The following MCC variants were observed in gnomAD, a reference collection of about 807,000 sequenced individuals.
The protein encoded by MCC is MCC regulator of Wnt signaling pathway, also known as colorectal mutant cancer protein.
In MCC, 90 loss-of-function variants were observed where a neutral mutation model predicts 116.2. The ratio of observed to expected loss-of-function variants is 0.77; its 90% CI spans 0.65 to 0.92. MCC has a LOEUF of 0.92. Among genes scored for constraint, MCC ranks in the 40% least tolerant of loss-of-function variants. The probability of loss-of-function intolerance (pLI) is 0.00; values close to 1 mark genes in which losing one functional copy is unlikely to be tolerated. For missense variants in MCC, 1,516 were observed against 1,312.2 expected (o/e 1.16, Z -2.40); for synonymous variants, 578 against 510.5 (o/e 1.13, Z -1.78).
At chr5:113,040,522 AC>A (rs1751631836) in intron 17 of MCC, among the ~76,000 whole-genome samples, 1 of 152,158 alleles carries the variant, frequency 6.6e-6, no homozygotes, top group Non-Finnish European at 1.5e-5. Flanking sequence ...CCCCCAGCTG[AC>A]CTCAACCATA....
intron 3 of MCC, among the ~76,000 whole-genome samples, chr5:113,289,759 TC>T (rs1561509116): frequency 6.6e-6 from 1 of 152,268 alleles, no homozygotes; most frequent in South Asian, 2.1e-4. Context: ...ACACAAGTCT[TC>T]CCCCTGAACT....
At chr5:113,205,740 T>C (rs1040232207) in intron 3 of MCC, among the ~76,000 whole-genome samples, 4 of 152,188 alleles carry the variant, frequency 2.6e-5, no homozygotes, top group African/African-American at 7.2e-5. Flanking sequence ...GAATCTAAGT[T>C]TCAAGTCAGC....
intron 1 of MCC, among the ~76,000 whole-genome samples, chr5:113,477,031 G>A (rs184649719): frequency 5.8e-4 from 89 of 152,288 alleles, no homozygotes; most frequent in Non-Finnish European, 1.1e-3. Context: ...GTGGAATCTT[G>A]AGCAAATAAC....
At chr5:113,111,740 G>C (rs552246231) in intron 6 of MCC, among the ~76,000 whole-genome samples, 63 of 152,246 alleles carry the variant, frequency 4.1e-4, no homozygotes, top group African/African-American at 1.5e-3. Flanking sequence ...GCATTTTCCA[G>C]GAACCTATCA....
chr5:113,076,192 C>T (rs1174761459), intron 11 of MCC, among the ~76,000 whole-genome samples: 1 of 152,170 alleles, frequency 6.6e-6, no homozygotes, highest in Non-Finnish European at 1.5e-5. Context: ...ATTGGTGGAC[C>T]TGAAAGTGAT....
intron 1 of MCC, among the ~76,000 whole-genome samples, chr5:113,475,314 A>T (rs1772208616): frequency 1.3e-5 from 2 of 152,236 alleles, no homozygotes; most frequent in African/African-American, 4.8e-5. Flanking sequence ...TAAATATTCA[A>T]CTGAGAGTTA....
At chr5:113,485,914 G>A (rs1772511725) in intron 1 of MCC, among the ~76,000 whole-genome samples, 1 of 152,198 alleles carries the variant, frequency 6.6e-6, no homozygotes, top group Non-Finnish European at 1.5e-5. Context: ...TCTCATGTCT[G>A]ATAGAACAGG....
intron 3 of MCC, among the ~76,000 whole-genome samples, chr5:113,252,746 T>C (rs1764848980): frequency 6.6e-6 from 1 of 152,176 alleles, no homozygotes; most frequent in Non-Finnish European, 1.5e-5. Flanking sequence ...TAGGGACTGC[T>C]GGTCTAGACC....
At chr5:113,318,574 G>A (rs748667989) in intron 3 of MCC, among the ~76,000 whole-genome samples, 14 of 152,078 alleles carry the variant, frequency 9.2e-5, no homozygotes, top group Non-Finnish European at 1.5e-4. Context: ...GCAAACTAAC[G>A]CAGGAACAGA....
intron 4 of MCC, among the ~76,000 whole-genome samples, chr5:113,149,847 A>T (rs1398139551): frequency 1.3e-5 from 2 of 152,210 alleles, no homozygotes; most frequent in Admixed American, 1.3e-4. Flanking sequence ...GAGTGGCATC[A>T]GCTTGGGGAG....
At chr5:113,469,507 C>T (rs1162239910) in intron 1 of MCC, among the ~76,000 whole-genome samples, 1 of 152,114 alleles carries the variant, frequency 6.6e-6, no homozygotes, top group African/African-American at 2.4e-5. Flanking sequence ...GTGAGTTTCT[C>T]AATCCTGAGT....
At chr5:113,109,445 G>A (rs1010364037) in intron 6 of MCC, among the ~76,000 whole-genome samples, 1 of 152,118 alleles carries the variant, frequency 6.6e-6, no homozygotes, top group East Asian at 1.9e-4. Flanking sequence ...AAGGTATCTA[G>A]AAGACGCAAA....
intron 3 of MCC, among the ~76,000 whole-genome samples, chr5:113,259,067 AC>A: frequency 6.6e-6 from 1 of 152,198 alleles, no homozygotes; most frequent in East Asian, 1.9e-4. Flanking sequence ...TTTATTTTAA[AC>A]CCACCCATAT....
At chr5:113,045,257 C>T (rs1388829781) in intron 16 of MCC, among the ~76,000 whole-genome samples, 6 of 152,130 alleles carry the variant, frequency 3.9e-5, no homozygotes, top group African/African-American at 1.2e-4. Context: ...CAAAACCTAA[C>T]GCAACTTGGA....
chr5:113,171,395 G>T (rs927173161), intron 3 of MCC, among the ~76,000 whole-genome samples: 2 of 151,564 alleles, frequency 1.3e-5, no homozygotes, highest in Admixed American at 1.3e-4. Context: ...TCACTCTGTT[G>T]CCTAGGCTAG....
chr5:113,460,034 C>G (rs1175010744), intron 1 of MCC, among the ~76,000 whole-genome samples: 1 of 152,172 alleles, frequency 6.6e-6, no homozygotes, highest in Non-Finnish European at 1.5e-5. Flanking sequence ...TAAACTGAAG[C>G]AACATGAAGT....
At chr5:113,385,872 C>A (rs1850407) in intron 1 of MCC, among the ~76,000 whole-genome samples, 66,934 of 151,902 alleles carry the variant, frequency 0.44, 16,204 homozygotes, top group African/African-American at 0.64. Flanking sequence ...TAAATGTGTG[C>A]AGTGGATAGA....
At chr5:113,041,970 C>T (rs912969917) in intron 17 of MCC, among the ~76,000 whole-genome samples, 1 of 152,134 alleles carries the variant, frequency 6.6e-6, no homozygotes, top group Non-Finnish European at 1.5e-5. Flanking sequence ...GCACTCCAGC[C>T]TGGGCGACAG....
chr5:113,065,417 A>G (rs1217925792), intron 13 of MCC, among the ~76,000 whole-genome samples: 2 of 152,226 alleles, frequency 1.3e-5, no homozygotes, highest in Non-Finnish European at 2.9e-5. Flanking sequence ...GGCTGAACAA[A>G]TCACTGGTTT....
Sources: gnomAD v4.1 joint callset for allele counts (sites outside exome capture counted in the v4.1 genomes callset) on GRCh38, gnomAD v4.1.1 for gene constraint, MANE v1.5 for transcripts, NCBI Gene and HGNC (gene_info 2026-07-23, HGNC 2026-07-21) for gene names.